Variants in THRAP3 observed in about 807,000 individuals in gnomAD.
THRAP3 encodes the protein thyroid hormone receptor-associated protein 3.
A neutral mutation model predicts 101.0 loss-of-function variants in THRAP3; 16 were observed. That is an observed-to-expected ratio of 0.16 (90% confidence interval 0.11 to 0.24). The LOEUF (loss-of-function observed/expected upper bound fraction) is 0.24, where lower values mean the gene tolerates loss of function less well. Ranked by LOEUF, THRAP3 falls within the 10% of genes least tolerant of loss-of-function variation. The pLI is 1.00. For synonymous variants in THRAP3, 407 were observed against 422.6 expected (o/e 0.96, Z 0.45); for missense variants, 989 against 1,202.7 (o/e 0.82, Z 2.63).
chr1:36,290,094 G>A (rs890786698), intron 5 of THRAP3, among the ~76,000 whole-genome samples: 8 of 152,062 alleles, frequency 5.3e-5, no homozygotes, highest in Non-Finnish European at 1.0e-4. Flanking sequence ...CCACTTCTTC[G>A]TTCCTAGCTG....
chr1:36,226,197 T>C (rs887290048), intron 1 of THRAP3, among the ~76,000 whole-genome samples: 1 of 152,204 alleles, frequency 6.6e-6, no homozygotes, highest in African/African-American at 2.4e-5. Context: ...TTGGAATATT[T>C]CTGAGATTAG....
intron 4 of THRAP3, chr1:36,288,679 GA>G (rs1193328284): frequency 1.0e-6 from 1 of 985,330 alleles, no homozygotes; most frequent in Non-Finnish European, 1.2e-6. Flanking sequence ...TAACTTTGCT[GA>G]AAGCAGATTT....
intron 1 of THRAP3, among the ~76,000 whole-genome samples, chr1:36,252,317 G>T (rs1393029343): frequency 6.6e-6 from 1 of 152,098 alleles, no homozygotes; most frequent in Non-Finnish European, 1.5e-5. Context: ...TAGAGACGGG[G>T]TTTCACCATG....
chr1:36,270,285 G>A (rs1266568304), intron 2 of THRAP3, among the ~76,000 whole-genome samples: 1 of 152,114 alleles, frequency 6.6e-6, no homozygotes, highest in Non-Finnish European at 1.5e-5. Context: ...AGCTACTCAG[G>A]AGGCTGAGGT....
chr1:36,237,678 G>A (rs1171716188), intron 1 of THRAP3, among the ~76,000 whole-genome samples: 2 of 151,982 alleles, frequency 1.3e-5, no homozygotes, highest in South Asian at 2.1e-4. Context: ...GTCTGAGGCC[G>A]GAGAATTGCT....
intron 1 of THRAP3, among the ~76,000 whole-genome samples, chr1:36,243,701 T>C (rs1385396425): frequency 1.3e-5 from 2 of 152,206 alleles, no homozygotes; most frequent in African/African-American, 4.8e-5. Context: ...CCGTTCTCAA[T>C]GAGCCGCTGG....
intron 1 of THRAP3, among the ~76,000 whole-genome samples, chr1:36,229,891 A>G (rs1018127744): frequency 1.3e-5 from 2 of 150,058 alleles, no homozygotes; most frequent in Admixed American, 6.6e-5. Context: ...ACCTCAGGTC[A>G]TCTGCCTACC....
chr1:36,282,511 C>T lies in THRAP3; in HGVS notation c.-31-22C>T, dbSNP rs916362457. On this transcript the variant is annotated intron_variant, in intron 2 of 11. Coordinates refer to ENST00000354618, the MANE Select transcript of THRAP3 (RefSeq NM_005119.4). ...TTGCAAAGGAACTCACTCATTTGTT[C>T]TAATGCATTTTCTTACATTAGGTGT... is the stretch of plus-strand genomic sequence containing the variant. The T allele has an allele frequency of 3.2e-6, 5 of 1,569,168 alleles. No homozygotes were observed. The African/African-American group carries it at 5.4e-5, about 17-fold the overall frequency.
chr1:36,291,097 C>T (rs537611640), intron 5 of THRAP3, among the ~76,000 whole-genome samples: 1 of 152,126 alleles, frequency 6.6e-6, no homozygotes, highest in East Asian at 1.9e-4. Context: ...TGTAGTTTAT[C>T]TTTTAAAATA....
At chr1:36,251,770 T>G (rs1351075659) in intron 1 of THRAP3, among the ~76,000 whole-genome samples, 1 of 152,208 alleles carries the variant, frequency 6.6e-6, no homozygotes, top group East Asian at 1.9e-4. Context: ...GCCAAGCACT[T>G]TTCTGAGAAC....
At chr1:36,297,397 T>C (rs1645966425) in intron 9 of THRAP3, among the ~76,000 whole-genome samples, 1 of 151,952 alleles carries the variant, frequency 6.6e-6, no homozygotes, top group Non-Finnish European at 1.5e-5. Context: ...CCATACCTTC[T>C]GGTAAGAAGC....
At position 36,300,979 on chromosome 1, in the gene THRAP3, A is replaced by G; in HGVS notation, c.2397A>G (p.Thr799=). Residue 799 remains threonine (T), a synonymous_variant, in exon 10 of 12, where the codon ACA becomes ACG. Coordinates refer to ENST00000354618, the MANE Select transcript of THRAP3 (RefSeq NM_005119.4). ...SYKAEEYTEE[T]EEREESTTGF... is the part of the protein sequence containing the mutation. ...AAGCAGAAGAGTACACTGAAGAGAC[A>G]GAGGAAAGAGAGGAGAGCACCACGG... is the stretch of plus-strand genomic sequence containing the variant. 1.9e-6 allele frequency: 3 copies of G among 1,614,198 alleles called. No homozygotes were observed. The highest frequency in any genetic ancestry group is 2.5e-6 in the Non-Finnish European group (3 of 1,180,014).
At chr1:36,218,913 A>G in the THRAP3 span, among the ~76,000 whole-genome samples, 52 of 151,466 alleles carry the variant, frequency 3.4e-4, no homozygotes, top group African/African-American at 1.3e-3. Context: ...GGCGCCTGCA[A>G]TCCCAGCTAC....
intron 8 of THRAP3, among the ~76,000 whole-genome samples, chr1:36,295,588 CCTTCCTCCCTCCCTTCCTT>C (rs1283946332): frequency 6.6e-6 from 1 of 152,012 alleles, no homozygotes; most frequent in African/African-American, 2.4e-5. Context: ...CTCCTCCCTT[CCTTCCTCCCTCCCTTCCTT>C]CTTCCCTCCC....
intron 2 of THRAP3, among the ~76,000 whole-genome samples, chr1:36,262,043 T>G (rs1214132118): frequency 6.6e-6 from 1 of 152,168 alleles, no homozygotes; most frequent in Non-Finnish European, 1.5e-5. Context: ...AAGAAGAATG[T>G]GAGCCACATG....
At chr1:36,221,127 G>C (rs1229459865), upstream of THRAP3, among the ~76,000 whole-genome samples, 1 of 147,422 alleles carries the variant, frequency 6.8e-6, no homozygotes, top group Non-Finnish European at 1.5e-5. Context: ...GGCGGTTGCA[G>C]TGTGCACATA....
At chr1:36,243,714 ACACCTCCCAGACG>A in intron 1 of THRAP3, among the ~76,000 whole-genome samples, 1 of 152,070 alleles carries the variant, frequency 6.6e-6, no homozygotes. Flanking sequence ...GCCGCTGGGC[ACACCTCCCAGACG>A]GGGCGGTGGC....
chr1:36,296,387 G>C (rs535206031), intron 8 of THRAP3, among the ~76,000 whole-genome samples, 196 bp from the exon 9 acceptor site: 8 of 152,138 alleles, frequency 5.3e-5, no homozygotes, highest in Admixed American at 4.6e-4. Context: ...GAGGACTGGC[G>C]TGGGTTCTGT....
At chr1:36,254,366 A>G (rs1368286555) in intron 1 of THRAP3, among the ~76,000 whole-genome samples, 1 of 152,196 alleles carries the variant, frequency 6.6e-6, no homozygotes, top group African/African-American at 2.4e-5. Context: ...CATAATAAAC[A>G]CAATGATTTG....
Sources: allele counts gnomAD v4.1 joint callset (sites outside exome capture counted in the v4.1 genomes callset), GRCh38; gene constraint gnomAD v4.1.1; transcripts MANE v1.5; gene names NCBI Gene and HGNC (gene_info 2026-07-23, HGNC 2026-07-21).